The following GDAP1 variants were observed in gnomAD, a reference collection of about 807,000 sequenced individuals.
GDAP1 encodes ganglioside induced differentiation associated protein 1.
GDAP1 carries 34 observed loss-of-function variants against 40.1 expected under a neutral mutation model. That is an observed-to-expected ratio of 0.85 (90% confidence interval 0.64 to 1.13). GDAP1 has a LOEUF of 1.13. Among genes scored for constraint, GDAP1 ranks in the 50% most tolerant of loss-of-function variants. The pLI is 0.00. For synonymous variants in GDAP1, 170 were observed against 157.4 expected (o/e 1.08, Z -0.60); for missense variants, 374 against 433.7 (o/e 0.86, Z 1.22).
intron 2 of GDAP1, among the ~76,000 whole-genome samples, chr8:74,422,544 T>A (rs1423735645): frequency 9.1e-6 from 1 of 110,026 alleles, no homozygotes; most frequent in Non-Finnish European, 1.8e-5. Flanking sequence ...TCTTTCTTTC[T>A]CTCTCAAACA....
intron 2 of GDAP1, among the ~76,000 whole-genome samples, chr8:74,414,815 C>G (rs1290867271): frequency 6.7e-6 from 1 of 149,808 alleles, no homozygotes; most frequent in Non-Finnish European, 1.5e-5. Context: ...AAACACAAAG[C>G]CTATAGCTTC....
In GDAP1 at chr8:74,363,077, C is replaced by T. The variant is rs4463412; in HGVS notation, c.694+24C>T. ...AGGTAGGTTCTCATTTATATTCTTT[C>T]TCTCTTTTCAACATCAGTATTATTC... is the stretch of plus-strand genomic sequence containing the variant. On this transcript the variant is annotated intron_variant, in intron 5 of 5. Coordinates refer to ENST00000220822, the MANE Select transcript of GDAP1 (RefSeq NM_018972.4). 1,032,697 of 1,034,254 alleles carry T rather than the reference C, an allele frequency of 1. 515,600 individuals are homozygous for T. The highest frequency in any genetic ancestry group is 1 in the Non-Finnish European group (650,971 of 650,974). 64.1% of individuals were successfully genotyped at this position (1,034,254 alleles called of 1,614,324 possible). A position where few individuals can be genotyped will look rare whatever the true frequency, so the allele number is the denominator to read the frequency against.
intron 2 of GDAP1, among the ~76,000 whole-genome samples, chr8:74,426,856 A>G (rs1805953530): frequency 6.6e-6 from 1 of 152,292 alleles, no homozygotes; most frequent in East Asian, 1.9e-4. Flanking sequence ...CCATTATTTT[A>G]AGTCTTTTCT....
At chr8:74,373,426 A>G (rs1016512613) in intron 2 of GDAP1, among the ~76,000 whole-genome samples, 36 of 152,044 alleles carry the variant, frequency 2.4e-4, no homozygotes, top group Middle Eastern at 3.4e-3. Context: ...GTCCTCTTTT[A>G]TTTCGTTGAG....
intron 2 of GDAP1, among the ~76,000 whole-genome samples, chr8:74,486,695 A>G (rs1190808699): frequency 6.6e-6 from 1 of 152,160 alleles, no homozygotes; most frequent in East Asian, 1.9e-4. Flanking sequence ...ACAATACACA[A>G]AATTATTACC....
At chr8:74,439,207 CATAT>C (rs1806130421) in intron 2 of GDAP1, among the ~76,000 whole-genome samples, 1 of 151,906 alleles carries the variant, frequency 6.6e-6, no homozygotes, top group African/African-American at 2.4e-5. Flanking sequence ...CTTTAATCTA[CATAT>C]ATATACATGT....
intron 2 of GDAP1, among the ~76,000 whole-genome samples, chr8:74,425,483 A>C (rs1805935826): frequency 6.6e-6 from 1 of 152,188 alleles, no homozygotes; most frequent in Non-Finnish European, 1.5e-5. Flanking sequence ...GACAAAGTGG[A>C]AGGAGACAGA....
intron 2 of GDAP1, among the ~76,000 whole-genome samples, chr8:74,423,574 C>T (rs1164627837): frequency 1.3e-5 from 2 of 151,728 alleles, no homozygotes; most frequent in Non-Finnish European, 2.9e-5. Context: ...TTTTCATAAA[C>T]CTAATACAAG....
chr8:74,384,710 A>G (rs1452941510), intron 2 of GDAP1, among the ~76,000 whole-genome samples: 1 of 152,184 alleles, frequency 6.6e-6, no homozygotes, highest in Non-Finnish European at 1.5e-5. Flanking sequence ...AACTTCATTA[A>G]AAAAGCACTA....
chr8:74,482,843 A>G (rs1309363831), intron 2 of GDAP1, among the ~76,000 whole-genome samples: 1 of 151,924 alleles, frequency 6.6e-6, no homozygotes, highest in Non-Finnish European at 1.5e-5. Flanking sequence ...TCCTTTCTAC[A>G]CTCTCTGTGA....
At chr8:74,455,565 A>G (rs892362496) in intron 2 of GDAP1, among the ~76,000 whole-genome samples, 6 of 151,964 alleles carry the variant, frequency 3.9e-5, no homozygotes, top group Admixed American at 1.3e-4. Context: ...CTTACTGAGT[A>G]TTTGTTCATT....
intron 2 of GDAP1, among the ~76,000 whole-genome samples, chr8:74,445,900 A>G (rs1392620326): frequency 1.3e-5 from 2 of 152,222 alleles, no homozygotes; most frequent in East Asian, 1.9e-4. Flanking sequence ...TATTGTCAAC[A>G]TGGCTTCTCA....
intron 3 of GDAP1, among the ~76,000 whole-genome samples, chr8:74,361,477 A>G (rs988152991): frequency 6.6e-6 from 1 of 151,886 alleles, no homozygotes; most frequent in African/African-American, 2.4e-5. Context: ...GCTCACTGCA[A>G]CCTCTGCTTC....
At chr8:74,414,489 CT>C in intron 2 of GDAP1, among the ~76,000 whole-genome samples, 1 of 149,786 alleles carries the variant, frequency 6.7e-6, no homozygotes, top group East Asian at 1.9e-4. Flanking sequence ...GTAATTTCAT[CT>C]GAATAACTGG....
intron 2 of GDAP1, among the ~76,000 whole-genome samples, chr8:74,461,691 T>G (rs1806403015): frequency 6.6e-6 from 1 of 152,224 alleles, no homozygotes; most frequent in African/African-American, 2.4e-5. Context: ...AGATTCTGAT[T>G]ATGCTCTCAG....
chr8:74,364,869 A>G lies in GDAP1; in HGVS notation c.*502A>G. On this transcript the variant is annotated 3_prime_UTR_variant, in exon 6 of 6. Transcript: ENST00000220822. ...GCTTATGAATCACACACATTGCTTTAGTAAGATTAAGTGCTTATATACTAG... is the reference window on the plus strand; with the variant it reads ...GCTTATGAATCACACACATTGCTTTGGTAAGATTAAGTGCTTATATACTAG... 1 of 454,152 alleles carries G rather than the reference A, an allele frequency of 2.2e-6. No individual in the cohort carries two copies. The allele number at this position is 454,152 out of a possible 1,614,324, so 28.1% of individuals were successfully genotyped here. A position where few individuals can be genotyped will look rare whatever the true frequency, so the allele number is the denominator to read the frequency against.
intron 2 of GDAP1, among the ~76,000 whole-genome samples, chr8:74,396,124 T>C (rs1194938012): frequency 6.6e-6 from 1 of 152,044 alleles, no homozygotes; most frequent in Non-Finnish European, 1.5e-5. Flanking sequence ...AGTTCTACAA[T>C]AGAAACACTG....
At chr8:74,476,375 G>A (rs1806629239) in intron 2 of GDAP1, among the ~76,000 whole-genome samples, 1 of 152,162 alleles carries the variant, frequency 6.6e-6, no homozygotes, top group Non-Finnish European at 1.5e-5. Flanking sequence ...TTGCTTTATA[G>A]TGTCAATGGT....
chr8:74,470,093 C>G (rs760485688), intron 2 of GDAP1, among the ~76,000 whole-genome samples: 1 of 152,066 alleles, frequency 6.6e-6, no homozygotes, highest in African/African-American at 2.4e-5. Flanking sequence ...ATTGATATTA[C>G]TCTGTTTAGG....
Sources: gnomAD v4.1 joint callset for allele counts (sites outside exome capture counted in the v4.1 genomes callset) on GRCh38, gnomAD v4.1.1 for gene constraint, MANE v1.5 for transcripts, NCBI Gene and HGNC (gene_info 2026-07-23, HGNC 2026-07-21) for gene names.